The following GREM2 variants were observed in gnomAD, a reference collection of about 807,000 sequenced individuals.
GREM2 encodes the protein gremlin-2.
Under a neutral mutation model 14.2 loss-of-function variants are expected in GREM2, and 11 were observed. That is an observed-to-expected ratio of 0.78 (90% CI 0.49 to 1.28). The LOEUF (loss-of-function observed/expected upper bound fraction) is 1.28, where lower values mean the gene tolerates loss of function less well. Ranked by LOEUF, GREM2 falls within the 50% of genes most tolerant of loss-of-function variation. GREM2 has a pLI of 0.00. For missense variants in GREM2, 210 were observed against 218.5 expected (o/e 0.96, Z 0.24); for synonymous variants, 98 against 97.6 (o/e 1.00, Z -0.02).
rs554826829 is a variant in GREM2 at position 240,540,622 on chromosome 1, G to A, written c.-1-47146C>T. Among the ~76,000 whole-genome samples the A allele has an allele frequency of 2.6e-5, 4 of 151,804 alleles. No homozygotes were observed. Among genetic ancestry groups the A allele is most frequent in the South Asian group, 4.2e-4 (2 of 4,796 alleles). Reference sequence around the variant, plus strand: ...TCTGTCGCCAGTTTGGAGTGCAGTGGCACGATGTAGACTTACAGCAACCTC... The same window carrying A: ...TCTGTCGCCAGTTTGGAGTGCAGTGACACGATGTAGACTTACAGCAACCTC... On this transcript the variant is annotated intron_variant, in intron 1 of 1. Transcript: ENST00000318160. The surrounding 1 kb of genome is among the most constrained non-coding windows in gnomAD (Gnocchi z 4.2).
chr1:240,531,687 T>TTTTTC (rs1357296237), intron 1 of GREM2: 13 of 976,174 alleles, frequency 1.3e-5, no homozygotes, highest in South Asian at 4.8e-5. Flanking sequence ...AGTGCTCTCA[T>TTTTTC]TTTTCTTTTC....
chr1:240,587,253 T>C (rs1008459442), intron 1 of GREM2, among the ~76,000 whole-genome samples: 1 of 152,108 alleles, frequency 6.6e-6, no homozygotes, highest in East Asian at 1.9e-4. Context: ...GGCGTATTTA[T>C]ATAGACATGC....
At chr1:240,584,039 G>A (rs1332002740) in intron 1 of GREM2, among the ~76,000 whole-genome samples, 2 of 152,080 alleles carry the variant, frequency 1.3e-5, no homozygotes, top group African/African-American at 4.8e-5. Flanking sequence ...TATCTTTACA[G>A]TTGGGCCTCC....
rs1680150544 is a variant in GREM2, at chr1:240,612,052, G to A, written c.-170C>T. The A allele has an allele frequency of 6.5e-6, 1 of 152,750 alleles. No homozygotes were observed. Among genetic ancestry groups the A allele is most frequent in the South Asian group, 2.1e-4 (1 of 4,838 alleles). 9.5% of individuals were successfully genotyped at this position (152,750 alleles called of 1,614,324 possible). Reference sequence around the variant, plus strand: ...ACTGCAGCAGACGCCCATAAGAGAAGCGCGCCGGCTGAGGGTGCAGGAGAG... The same window carrying A: ...ACTGCAGCAGACGCCCATAAGAGAAACGCGCCGGCTGAGGGTGCAGGAGAG... On this transcript the variant is annotated 5_prime_UTR_variant, in exon 1 of 2. Coordinates refer to ENST00000318160, the MANE Select transcript of GREM2 (RefSeq NM_022469.4).
At chr1:240,517,246 T>C (rs760833268) in intron 1 of GREM2, among the ~76,000 whole-genome samples, 2 of 152,212 alleles carry the variant, frequency 1.3e-5, no homozygotes, top group Non-Finnish European at 2.9e-5. Flanking sequence ...CACAATTACC[T>C]CCCTTTACCT....
chr1:240,608,396 A>G (rs1680072593), intron 1 of GREM2, among the ~76,000 whole-genome samples: 1 of 152,212 alleles, frequency 6.6e-6, no homozygotes, highest in East Asian at 1.9e-4. Flanking sequence ...TCACACATCC[A>G]TCAACTTTCC....
intron 1 of GREM2, among the ~76,000 whole-genome samples, chr1:240,544,421 A>G (rs1324707812): frequency 7.9e-5 from 12 of 152,158 alleles, no homozygotes; most frequent in Non-Finnish European, 1.5e-5. Flanking sequence ...TGCTGGGATT[A>G]CAGGCGTGAG....
At chr1:240,550,149 A>G (rs970767177) in intron 1 of GREM2, 1 of 152,132 alleles carries the variant, frequency 6.6e-6, no homozygotes, top group Non-Finnish European at 1.5e-5. Context: ...TAGCCTCCCA[A>G]GTAGCTGGGA....
intron 1 of GREM2, among the ~76,000 whole-genome samples, chr1:240,607,329 T>G (rs1680047560): frequency 6.8e-6 from 1 of 146,446 alleles, no homozygotes; most frequent in African/African-American, 2.7e-5. Context: ...TAGGTTAAAT[T>G]TTTTTTTTCA....
rs539065089 is a variant in GREM2, at chr1:240,490,561, A to G, written c.*2408T>C. ...TATACCTATAAAATAATTACATTAT[A>G]CTTATAGCTTTTCTTCATTTATAAA... On this transcript the variant is annotated 3_prime_UTR_variant, in exon 2 of 2. Coordinates refer to ENST00000318160, the MANE Select transcript of GREM2 (RefSeq NM_022469.4). The G allele has an allele frequency of 6.6e-6, 1 of 152,652 alleles. No homozygotes were observed. The highest frequency in any genetic ancestry group is 2.1e-4 in the South Asian group (1 of 4,834). The allele number at this position is 152,652 out of a possible 1,614,324, so 9.5% of individuals were successfully genotyped here. A position where few individuals can be genotyped will look rare whatever the true frequency, so the allele number is the denominator to read the frequency against.
chr1:240,591,763 A>T (rs1679720713), intron 1 of GREM2, among the ~76,000 whole-genome samples: 1 of 152,132 alleles, frequency 6.6e-6, no homozygotes, highest in Non-Finnish European at 1.5e-5. Flanking sequence ...GGGCCTTTGG[A>T]GGTCATCCAG....
chr1:240,547,239 G>C (rs1678746666), intron 1 of GREM2, among the ~76,000 whole-genome samples: 1 of 152,058 alleles, frequency 6.6e-6, no homozygotes, highest in Non-Finnish European at 1.5e-5. Flanking sequence ...GGTGCCTCAT[G>C]CCTGTAATCC....
chr1:240,502,898 G>A (rs1460064338), intron 1 of GREM2, among the ~76,000 whole-genome samples: 1 of 152,222 alleles, frequency 6.6e-6, no homozygotes, highest in Non-Finnish European at 1.5e-5. Context: ...GTCCTTGCAA[G>A]CGACTGATTT....
chr1:240,537,200 C>T (rs994746058), intron 1 of GREM2, among the ~76,000 whole-genome samples: 1 of 151,552 alleles, frequency 6.6e-6, no homozygotes, highest in African/African-American at 2.4e-5. Flanking sequence ...TGTGAGCAAA[C>T]AAATAACTAA....
chr1:240,516,370 T>C (rs12143400), intron 1 of GREM2, among the ~76,000 whole-genome samples: 60,117 of 151,990 alleles, frequency 0.4, 12,245 homozygotes, highest in East Asian at 0.72. Context: ...GATTTGATGT[T>C]GAAAATCCAG....
At chr1:240,563,451 A>C (rs117065861) in intron 1 of GREM2, among the ~76,000 whole-genome samples, 1 of 152,338 alleles carries the variant, frequency 6.6e-6, no homozygotes, top group East Asian at 1.9e-4. Context: ...TCTGTAACAT[A>C]ATGGCATAGC....
At chr1:240,521,960 T>A (rs13376509) in intron 1 of GREM2, among the ~76,000 whole-genome samples, 88 of 150,174 alleles carry the variant, frequency 5.9e-4, no homozygotes, top group African/African-American at 1.6e-3. Flanking sequence ...AAAAAAAAAA[T>A]TTTTTTTTAA....
intron 1 of GREM2, among the ~76,000 whole-genome samples, chr1:240,565,862 A>C (rs1054939334): frequency 6.6e-6 from 1 of 151,148 alleles, no homozygotes; most frequent in Non-Finnish European, 1.5e-5. Context: ...AAAAAAAAAA[A>C]CAAAACAAAA....
At chr1:240,596,838 A>T (rs1013859951) in intron 1 of GREM2, among the ~76,000 whole-genome samples, 1 of 152,204 alleles carries the variant, frequency 6.6e-6, no homozygotes, top group Admixed American at 6.5e-5. Context: ...ACCCAAACTT[A>T]CGCTCTGATA....
Sources: gnomAD v4.1 joint callset for allele counts (sites outside exome capture counted in the v4.1 genomes callset) on GRCh38, gnomAD v4.1.1 for gene constraint, Gnocchi (gnomAD v3.1) non-coding constraint, MANE v1.5 for transcripts, NCBI Gene and HGNC (gene_info 2026-07-23, HGNC 2026-07-21) for gene names.